Variants in NRXN3 observed in about 807,000 individuals in gnomAD.
NRXN3 encodes neurexin III.
In NRXN3, 32 loss-of-function variants were observed where a neutral mutation model predicts 137.6. That is an observed-to-expected ratio of 0.23 (90% CI 0.18 to 0.31). The LOEUF (loss-of-function observed/expected upper bound fraction) is 0.31, where lower values mean the gene tolerates loss of function less well. Ranked by LOEUF, NRXN3 falls within the 10% of genes least tolerant of loss-of-function variation. The pLI is 1.00. For missense variants in NRXN3, 1,574 were observed against 2,062.5 expected, an observed-to-expected ratio of 0.76 and a Z score of 4.59; for synonymous variants, 798 against 784.5, an observed-to-expected ratio of 1.02 and a Z score of -0.29.
At chr14:79,641,907 C>G (rs1258948205) in intron 16 of NRXN3, among the ~76,000 whole-genome samples, 2 of 135,594 alleles carry the variant, frequency 1.5e-5, no homozygotes, top group South Asian at 2.3e-4. Context: ...ATACTTCCCA[C>G]TGCTTAGATG....
chr14:79,271,769 T>C (rs535475535), intron 15 of NRXN3, among the ~76,000 whole-genome samples: 10 of 152,240 alleles, frequency 6.6e-5, no homozygotes, highest in Non-Finnish European at 8.8e-5. Flanking sequence ...CCACCCCTCA[T>C]TGATAATCTT....
intron 15 of NRXN3, among the ~76,000 whole-genome samples, chr14:79,285,319 T>A (rs1333073615): frequency 6.6e-6 from 1 of 152,222 alleles, no homozygotes; most frequent in Non-Finnish European, 1.5e-5. Flanking sequence ...TAAATGAACT[T>A]ATCAGCCCAA....
chr14:78,750,455 G>A (rs76660647), intron 8 of NRXN3, among the ~76,000 whole-genome samples: 5,868 of 152,180 alleles, frequency 0.039, 389 homozygotes, highest in African/African-American at 0.13. Flanking sequence ...TTGGAAAGTT[G>A]GGGTGAGATA....
intron 15 of NRXN3, chr14:79,246,863 C>A (rs2075261335): frequency 6.6e-6 from 1 of 152,164 alleles, no homozygotes; most frequent in Non-Finnish European, 1.5e-5. Flanking sequence ...CATTGCAATA[C>A]TAGACTTGCA....
intron 4 of NRXN3, among the ~76,000 whole-genome samples, chr14:78,448,658 G>A (rs1035875741): frequency 6.6e-6 from 1 of 152,194 alleles, no homozygotes; most frequent in Non-Finnish European, 1.5e-5. Context: ...TCTGCCAGAA[G>A]GTGGCGCATT....
At position 78,853,840 on chromosome 14, in the gene NRXN3, A is replaced by T. The variant is rs376319201; in HGVS notation, c.2275+43496A>T. Among the ~76,000 whole-genome samples the T allele has an allele frequency of 5.7e-4, 87 of 152,122 alleles. 1 individual carries two copies. In the East Asian group the frequency reaches 0.015, roughly 26 times the overall value. ...TACCCAAAGTCCTCTTCCCCACTGC[A>T]CCTGCCATTCTTCTCCAGGTGAAAG... is the stretch of plus-strand genomic sequence containing the variant. On this transcript the variant is annotated intron_variant, in intron 10 of 20. Transcript: ENST00000335750.
At chr14:79,210,380 A>T (rs2067466027) in intron 15 of NRXN3, among the ~76,000 whole-genome samples, 1 of 152,168 alleles carries the variant, frequency 6.6e-6, no homozygotes, top group Non-Finnish European at 1.5e-5. Flanking sequence ...GCATTAAGAA[A>T]ATGTTGAATA....
At chr14:79,747,772 T>C (rs1030094545) in intron 19 of NRXN3, among the ~76,000 whole-genome samples, 10 of 152,128 alleles carry the variant, frequency 6.6e-5, no homozygotes. Flanking sequence ...CATAAGTCAC[T>C]GATTGTATAC....
At chr14:79,388,480 T>A (rs1160152552) in intron 15 of NRXN3, among the ~76,000 whole-genome samples, 1 of 152,094 alleles carries the variant, frequency 6.6e-6, no homozygotes, top group Non-Finnish European at 1.5e-5. Context: ...ATGGGACTCC[T>A]TCTGAGAGTG....
intron 10 of NRXN3, among the ~76,000 whole-genome samples, chr14:78,846,723 A>G (rs1236683723): frequency 2.6e-5 from 4 of 152,030 alleles, no homozygotes; most frequent in Non-Finnish European, 4.4e-5. Flanking sequence ...AAATGAAACC[A>G]CTTATGGTCA....
intron 4 of NRXN3, among the ~76,000 whole-genome samples, chr14:78,299,375 G>A (rs113774849): frequency 0.012 from 1,845 of 152,234 alleles, 15 homozygotes; most frequent in Middle Eastern, 0.034. Flanking sequence ...TTGAGGAACC[G>A]AGCTCTATGA....
At chr14:78,313,256 A>C (rs2078184963) in intron 4 of NRXN3, among the ~76,000 whole-genome samples, 1 of 152,214 alleles carries the variant, frequency 6.6e-6, no homozygotes. Flanking sequence ...GATAGTTGGA[A>C]GACTTTCGTG....
chr14:78,540,427 A>T (rs1566688138), intron 4 of NRXN3, among the ~76,000 whole-genome samples: 1 of 139,844 alleles, frequency 7.2e-6, no homozygotes. Context: ...CTAGGATTGC[A>T]ACCCCTGCTT....
intron 16 of NRXN3, among the ~76,000 whole-genome samples, chr14:79,539,459 T>C (rs2097251463): frequency 1.3e-5 from 2 of 152,218 alleles, no homozygotes; most frequent in African/African-American, 2.4e-5. Flanking sequence ...TGCTGTTTTA[T>C]AAGCTGCCTC....
intron 16 of NRXN3, among the ~76,000 whole-genome samples, chr14:79,488,371 A>G (rs1463860423): frequency 1.3e-5 from 2 of 152,184 alleles, no homozygotes; most frequent in East Asian, 3.9e-4. Flanking sequence ...ATCACAAGAG[A>G]TTGCAACTCA....
At chr14:78,570,938 GTGTC>G (rs1179786846) in intron 4 of NRXN3, among the ~76,000 whole-genome samples, 1 of 152,190 alleles carries the variant, frequency 6.6e-6, no homozygotes, top group African/African-American at 2.4e-5. Context: ...GCCAGGCTCA[GTGTC>G]TGGGAGGAGA....
At chr14:78,314,942 T>TTC (rs2078472613) in intron 4 of NRXN3, among the ~76,000 whole-genome samples, 10 of 60,644 alleles carry the variant, frequency 1.6e-4, no homozygotes, top group South Asian at 6.8e-4. Context: ...TTTCTTTCTT[T>TTC]CTTCCTTCCT....
intron 19 of NRXN3, among the ~76,000 whole-genome samples, chr14:79,773,396 C>A (rs1334760839): frequency 6.6e-6 from 1 of 151,948 alleles, no homozygotes; most frequent in African/African-American, 2.4e-5. Flanking sequence ...CACCAATGAT[C>A]GACCAGATTA....
At chr14:79,558,858 T>C (rs117624654) in intron 16 of NRXN3, among the ~76,000 whole-genome samples, 1,732 of 152,304 alleles carry the variant, frequency 0.011, 22 homozygotes, top group Middle Eastern at 0.037. Flanking sequence ...TTATCAATGA[T>C]CTTAGCTAGA....
Sources: allele counts gnomAD v4.1 joint callset (sites outside exome capture counted in the v4.1 genomes callset), GRCh38; gene constraint gnomAD v4.1.1; transcripts MANE v1.5; gene names NCBI Gene and HGNC (gene_info 2026-07-23, HGNC 2026-07-21).